SIMC1: variants seen among roughly 807,000 people sequenced by gnomAD.
SIMC1 encodes SUMO interacting motifs containing 1, also known as SUMO-interacting motif-containing protein 1.
Under a neutral mutation model 82.3 loss-of-function variants are expected in SIMC1, and 55 were observed. The ratio of observed to expected loss-of-function variants is 0.67; its 90% CI spans 0.54 to 0.84. SIMC1 has a LOEUF of 0.84. Among genes scored for constraint, SIMC1 ranks in the 40% least tolerant of loss-of-function variants. SIMC1 has a pLI of 0.00. For missense variants in SIMC1, 915 were observed against 1,107.2 expected (o/e 0.83, Z 2.46); for synonymous variants, 353 against 426.3 (o/e 0.83, Z 2.12).
At chr5:176,280,303 CT>C (rs1024559218) in intron 1 of SIMC1, among the ~76,000 whole-genome samples, 11 of 151,834 alleles carry the variant, frequency 7.2e-5, no homozygotes, top group South Asian at 2.1e-4. Flanking sequence ...CAACCCCTGC[CT>C]TTTTTTTGTT....
At chr5:176,284,513 A>G (rs1763173455) in intron 1 of SIMC1, among the ~76,000 whole-genome samples, 1 of 152,234 alleles carries the variant, frequency 6.6e-6, no homozygotes, top group Non-Finnish European at 1.5e-5. Flanking sequence ...TCTCTGGGAT[A>G]CATTTAAAGC....
chr5:176,273,718 T>C (rs1030541200), intron 1 of SIMC1, among the ~76,000 whole-genome samples: 2 of 152,132 alleles, frequency 1.3e-5, no homozygotes, highest in Non-Finnish European at 2.9e-5. Flanking sequence ...TGTGTTCTCA[T>C]TGTTCAATTC....
intron 1 of SIMC1, among the ~76,000 whole-genome samples, chr5:176,258,940 T>C (rs1269875893): frequency 6.6e-6 from 1 of 151,592 alleles, no homozygotes; most frequent in African/African-American, 2.4e-5. Context: ...TTAGCTAATT[T>C]GTAAAGTGTT....
chr5:176,345,379 G>C lies in SIMC1; in HGVS notation c.2610G>C (p.Leu870=), dbSNP rs1319585691. The change falls in exon 10 of 10, where the codon CTG becomes CTC. Residue 870 remains leucine (L), a synonymous_variant. Coordinates refer to ENST00000429602, the MANE Select transcript of SIMC1 (RefSeq NM_001308195.2). ...LQDKVHLLKL[L]LFYAADLNPD... is the part of the protein sequence containing the mutation. Reference sequence around the variant, plus strand: ...ACAAAGTGCACTTGTTGAAGCTCCTGCTCTTCTATGCTGCGGACTTGAACC... The same window carrying C: ...ACAAAGTGCACTTGTTGAAGCTCCTCCTCTTCTATGCTGCGGACTTGAACC... The C allele has an allele frequency of 1.9e-6, 3 of 1,613,946 alleles. No individual in the cohort carries two copies. The highest frequency in any genetic ancestry group is 8.5e-7 in the Non-Finnish European group (1 of 1,179,894).
At chr5:176,330,460 G>A (rs1581324128) in intron 7 of SIMC1, among the ~76,000 whole-genome samples, 1 of 151,436 alleles carries the variant, frequency 6.6e-6, no homozygotes, top group East Asian at 1.9e-4. Flanking sequence ...CCAGAACTGT[G>A]TTAGGTAAAG....
chr5:176,282,101 G>C (rs1286653230), intron 1 of SIMC1, among the ~76,000 whole-genome samples: 2 of 152,254 alleles, frequency 1.3e-5, no homozygotes, highest in East Asian at 1.9e-4. Flanking sequence ...GAGCTTCCCG[G>C]CTGCTTTGTT....
chr5:176,255,000 G>A (rs1270535830), intron 1 of SIMC1, among the ~76,000 whole-genome samples: 1 of 151,966 alleles, frequency 6.6e-6, no homozygotes, highest in East Asian at 1.9e-4. Context: ...AACCTGGCTA[G>A]GCATGGTGGC....
intron 9 of SIMC1, among the ~76,000 whole-genome samples, chr5:176,341,761 G>A (rs980106506): frequency 1.5e-4 from 23 of 152,284 alleles, no homozygotes; most frequent in Admixed American, 1.4e-3. Flanking sequence ...TGATGATGAT[G>A]ATGATGATGA....
chr5:176,326,225 A>G (rs2113379759), intron 7 of SIMC1, among the ~76,000 whole-genome samples: 1 of 152,278 alleles, frequency 6.6e-6, no homozygotes, highest in South Asian at 2.1e-4. Context: ...AACCAAGACA[A>G]CTATTGTGCA....
chr5:176,321,001 CCCT>C (rs1765133490), intron 5 of SIMC1, among the ~76,000 whole-genome samples: 1 of 152,104 alleles, frequency 6.6e-6, no homozygotes, highest in Non-Finnish European at 1.5e-5. Flanking sequence ...ATTACCTCAC[CCCT>C]CATCCATCAG....
intron 1 of SIMC1, among the ~76,000 whole-genome samples, chr5:176,244,932 G>T (rs1243442863): frequency 1.3e-5 from 2 of 152,050 alleles, no homozygotes; most frequent in Non-Finnish European, 2.9e-5. Flanking sequence ...TGTTGGTCAG[G>T]CTGGTCTCAA....
intron 1 of SIMC1, among the ~76,000 whole-genome samples, chr5:176,270,827 G>A (rs547312295): frequency 6.6e-6 from 1 of 152,338 alleles, no homozygotes; most frequent in East Asian, 1.9e-4. Context: ...GTCGGAACTT[G>A]AGTTCCAGCT....
At chr5:176,316,874 C>A (rs759817921) in intron 5 of SIMC1, among the ~76,000 whole-genome samples, 9 of 152,052 alleles carry the variant, frequency 5.9e-5, no homozygotes, top group Non-Finnish European at 1.2e-4. Context: ...GTAATCCCAG[C>A]TACTTGGGAG....
intron 1 of SIMC1, among the ~76,000 whole-genome samples, chr5:176,248,514 C>T (rs1021961507): frequency 3.3e-5 from 5 of 152,058 alleles, no homozygotes; most frequent in African/African-American, 7.2e-5. Flanking sequence ...TAGGCTGAGA[C>T]GATAGTGTTT....
intron 9 of SIMC1, among the ~76,000 whole-genome samples, chr5:176,342,210 G>T (rs765182834): frequency 1.3e-5 from 2 of 151,998 alleles, no homozygotes; most frequent in Non-Finnish European, 2.9e-5. Flanking sequence ...CTACAAAAAG[G>T]CTCTTCCTAA....
chr5:176,324,943 G>A (rs1221010919), intron 7 of SIMC1, among the ~76,000 whole-genome samples, 186 bp downstream of exon 7: 1 of 152,146 alleles, frequency 6.6e-6, no homozygotes, highest in African/African-American at 2.4e-5. Flanking sequence ...TTATGTCTTT[G>A]ACTTTTGGAA....
At chr5:176,325,184 A>T (rs1426742324) in intron 7 of SIMC1, among the ~76,000 whole-genome samples, 1 of 151,884 alleles carries the variant, frequency 6.6e-6, no homozygotes, top group Non-Finnish European at 1.5e-5. Flanking sequence ...TCAGGAGTTC[A>T]AGACCAGCCT....
intron 6 of SIMC1, among the ~76,000 whole-genome samples, chr5:176,323,058 C>A (rs1241823516): frequency 6.6e-6 from 1 of 152,182 alleles, no homozygotes. Context: ...GCCAGTCACA[C>A]TGGGCATTTC....
At chr5:176,259,221 C>T (rs1011259631) in intron 1 of SIMC1, among the ~76,000 whole-genome samples, 1 of 152,204 alleles carries the variant, frequency 6.6e-6, no homozygotes, top group Non-Finnish European at 1.5e-5. Context: ...AATCCCAGCA[C>T]TTTGGGAGGC....
Sources: allele counts gnomAD v4.1 joint callset (sites outside exome capture counted in the v4.1 genomes callset), GRCh38; gene constraint gnomAD v4.1.1; transcripts MANE v1.5; gene names NCBI Gene and HGNC (gene_info 2026-07-23, HGNC 2026-07-21).